The following SLC6A6 variants were observed in gnomAD, a reference collection of about 807,000 sequenced individuals.
SLC6A6 encodes sodium- and chloride-dependent taurine transporter.
A neutral mutation model predicts 68.8 loss-of-function variants in SLC6A6; 16 were observed. The ratio of observed to expected loss-of-function variants is 0.23; its 90% CI spans 0.16 to 0.35. The LOEUF is 0.35. SLC6A6 is among the 10% of genes least tolerant of loss of function. The pLI, the probability that SLC6A6 is intolerant of heterozygous loss-of-function variation, is 1.00. For missense variants in SLC6A6, 474 were observed against 802.8 expected, an observed-to-expected ratio of 0.59 and a Z score of 4.95; for synonymous variants, 312 against 315.4, an observed-to-expected ratio of 0.99 and a Z score of 0.12.
intron 6 of SLC6A6, among the ~76,000 whole-genome samples, chr3:14,465,125 C>T (rs1450593374): frequency 1.3e-5 from 2 of 152,206 alleles, no homozygotes; most frequent in Non-Finnish European, 2.9e-5. Flanking sequence ...ACACTAGGAT[C>T]GAACTGTCCA....
intron 5 of SLC6A6, among the ~76,000 whole-genome samples, chr3:14,454,263 G>A (rs1033289540): frequency 7.8e-5 from 11 of 141,442 alleles, no homozygotes; most frequent in African/African-American, 3.0e-4. Flanking sequence ...GGGCGTCAGG[G>A]GCCTGGACAG....
chr3:14,475,329 G>T (rs1000170101), intron 10 of SLC6A6, among the ~76,000 whole-genome samples: 9 of 152,128 alleles, frequency 5.9e-5, no homozygotes, highest in African/African-American at 2.2e-4. Flanking sequence ...ACTGCACCCA[G>T]CTGGGACATG....
chr3:14,484,293 A>G (rs1415781156), intron 14 of SLC6A6, among the ~76,000 whole-genome samples: 1 of 152,212 alleles, frequency 6.6e-6, no homozygotes, highest in African/African-American at 2.4e-5. Flanking sequence ...AAATGCGAGC[A>G]AGGTTCTCCA....
rs530325393 is a variant in SLC6A6, at chr3:14,468,341, C to G, written c.1096+129C>G. ...AGCCTGGTTTCTAAAATGGACCCCC[C>G]CCCCGCCACCAAGATATCCCCCAAA... On this transcript the variant is annotated intron_variant, in intron 9 of 14. Transcript: ENST00000622186. This position sits in a 1 kb window ranked among gnomAD's most constrained non-coding sequence, Gnocchi z 4.5. The G allele has an allele frequency of 4.1e-5, 30 of 733,466 alleles. 1 individual carries two copies. The highest frequency in any genetic ancestry group is 4.1e-4 in the African/African-American group (22 of 53,934). 45.4% of individuals were successfully genotyped at this position (733,466 alleles called of 1,614,324 possible).
At chr3:14,405,753 C>T (rs1574900528) in intron 1 of SLC6A6, among the ~76,000 whole-genome samples, 1 of 152,174 alleles carries the variant, frequency 6.6e-6, no homozygotes, top group South Asian at 2.1e-4. Context: ...AATGAGAGCG[C>T]TTTTTTAATG....
At chr3:14,453,797 G>A (rs2124961062) in intron 5 of SLC6A6, among the ~76,000 whole-genome samples, 1 of 152,382 alleles carries the variant, frequency 6.6e-6, no homozygotes, top group South Asian at 2.1e-4. Context: ...TGGGGATGTG[G>A]CCTTTGAGCA....
At chr3:14,484,476 C>A (rs1246504872) in intron 14 of SLC6A6, among the ~76,000 whole-genome samples, 2 of 152,110 alleles carry the variant, frequency 1.3e-5, no homozygotes, top group Non-Finnish European at 2.9e-5. Context: ...CAACTCAGGG[C>A]ATACAAATGA....
rs1023914275 is a variant in SLC6A6, at chr3:14,445,820, C to T, written c.333C>T (p.Thr111=). The change falls in exon 4 of 15, where the codon ACC becomes ACT. Residue 111 remains threonine (T), a synonymous_variant. Coordinates refer to ENST00000622186, the MANE Select transcript of SLC6A6 (RefSeq NM_003043.6). ...IGQYTSEGGI[T]CWEKICPLFS... is the part of the protein sequence containing the mutation. ...AGTACACCTCTGAAGGGGGCATCACCTGCTGGGAAAAGATCTGCCCCTTGT... is the reference window on the plus strand; with the variant it reads ...AGTACACCTCTGAAGGGGGCATCACTTGCTGGGAAAAGATCTGCCCCTTGT... 1 of 1,614,104 alleles carries T rather than the reference C, an allele frequency of 6.2e-7. No individual in the cohort carries two copies. The highest frequency in any genetic ancestry group is 8.5e-7 in the Non-Finnish European group (1 of 1,180,032).
chr3:14,461,664 C>A (rs1026739983), intron 6 of SLC6A6, among the ~76,000 whole-genome samples: 1 of 152,208 alleles, frequency 6.6e-6, no homozygotes, highest in Non-Finnish European at 1.5e-5. Flanking sequence ...GTAGTCAGAG[C>A]CAGGTCCTTT....
At chr3:14,432,169 A>G (rs1288742210) in intron 2 of SLC6A6, among the ~76,000 whole-genome samples, 7 of 152,222 alleles carry the variant, frequency 4.6e-5, no homozygotes, top group African/African-American at 1.7e-4. Flanking sequence ...TGCTTTTCAT[A>G]GCCAACAAGG....
intron 1 of SLC6A6, among the ~76,000 whole-genome samples, chr3:14,407,235 G>A (rs1168662259): frequency 6.6e-6 from 1 of 151,672 alleles, no homozygotes; most frequent in Non-Finnish European, 1.5e-5. Flanking sequence ...TTTTTTGTAC[G>A]GAGGAGGTTT....
At position 14,481,955 on chromosome 3, in the gene SLC6A6, C is replaced by A; in HGVS notation, c.1722+114C>A. On this transcript the variant is annotated intron_variant, in intron 14 of 14. Transcript: ENST00000622186. The surrounding 1 kb of genome is among the most constrained non-coding windows in gnomAD (Gnocchi z 4.7). ...CACCTGCCCTCTCTGAGCCATAGTT[C>A]CCTCACCCATCCAGTGGTTCAGCTT... 1 of 814,078 alleles carries A rather than the reference C, an allele frequency of 1.2e-6. No homozygotes were observed. Among genetic ancestry groups the A allele is most frequent in the Non-Finnish European group, 2.0e-6 (1 of 508,852 alleles). 50.4% of individuals were successfully genotyped at this position (814,078 alleles called of 1,614,324 possible).
chr3:14,447,312 C>A (rs1440584022), intron 4 of SLC6A6, among the ~76,000 whole-genome samples: 4 of 152,138 alleles, frequency 2.6e-5, no homozygotes, highest in African/African-American at 9.7e-5. Flanking sequence ...TCTTTATTAT[C>A]TATCTTTTCA....
At chr3:14,432,987 C>A (rs1699763873) in intron 2 of SLC6A6, among the ~76,000 whole-genome samples, 1 of 152,206 alleles carries the variant, frequency 6.6e-6, no homozygotes, top group African/African-American at 2.4e-5. Flanking sequence ...TGAAGCCTAC[C>A]CTTGACCAGA....
At chr3:14,484,845 C>T in intron 14 of SLC6A6, 22 bp from the exon 15 acceptor site, 1 of 1,608,874 alleles carries the variant, frequency 6.2e-7, no homozygotes, top group East Asian at 2.2e-5. Context: ...TTTCCCCCCT[C>T]ACTCCTGTCA....
intron 2 of SLC6A6, among the ~76,000 whole-genome samples, chr3:14,436,802 C>T (rs1279967597): frequency 6.6e-6 from 1 of 152,250 alleles, no homozygotes; most frequent in African/African-American, 2.4e-5. Flanking sequence ...GCTGGCCTGG[C>T]CCAGCCCTGT....
At position 14,472,811 on chromosome 3, in the gene SLC6A6, C is replaced by T. The variant is rs1330110711; in HGVS notation, c.1209+494C>T. Among the ~76,000 whole-genome samples, 2 of 152,204 alleles carry T rather than the reference C, an allele frequency of 1.3e-5. No homozygotes were observed. Among genetic ancestry groups the T allele is most frequent in the Non-Finnish European group, 2.9e-5 (2 of 68,036 alleles). ...GGCCATCGTAATAAGTTGCAAGTGC[C>T]CAGGAGAAGCCTACGCCACACTCAG... is the stretch of plus-strand genomic sequence containing the variant. On this transcript the variant is annotated intron_variant, in intron 10 of 14. Coordinates refer to ENST00000622186, the MANE Select transcript of SLC6A6 (RefSeq NM_003043.6). The surrounding 1 kb of genome is among the most constrained non-coding windows in gnomAD (Gnocchi z 4.5).
intron 10 of SLC6A6, among the ~76,000 whole-genome samples, chr3:14,475,940 C>T (rs1000815108): frequency 2.4e-4 from 36 of 152,188 alleles, no homozygotes; most frequent in Admixed American, 2.4e-3. Flanking sequence ...AGGGATTTCT[C>T]CCCGTTTGTG....
chr3:14,438,913 T>A (rs936916779), intron 2 of SLC6A6, among the ~76,000 whole-genome samples: 1 of 152,194 alleles, frequency 6.6e-6, no homozygotes, highest in Admixed American at 6.5e-5. Context: ...TGCAGAGAAC[T>A]CTCGAGCCTC....
Sources: gnomAD v4.1 joint callset for allele counts (sites outside exome capture counted in the v4.1 genomes callset) on GRCh38, gnomAD v4.1.1 for gene constraint, Gnocchi (gnomAD v3.1) non-coding constraint, MANE v1.5 for transcripts, NCBI Gene and HGNC (gene_info 2026-07-23, HGNC 2026-07-21) for gene names.